The following TCN1 variants were observed in gnomAD, a reference collection of about 807,000 sequenced individuals.
TCN1 encodes transcobalamin-1.
Under a neutral mutation model 46.3 loss-of-function variants are expected in TCN1, and 47 were observed. The observed-to-expected ratio is 1.01, with a 90% CI of 0.80 to 1.29. TCN1 has a LOEUF of 1.29. TCN1 is among the 50% of genes most tolerant of loss of function. The probability of loss-of-function intolerance (pLI) is 0.00; values close to 1 mark genes in which losing one functional copy is unlikely to be tolerated. For missense variants in TCN1, 532 were observed against 511.0 expected, an observed-to-expected ratio of 1.04 and a Z score of -0.40; for synonymous variants, 183 against 192.5, an observed-to-expected ratio of 0.95 and a Z score of 0.41.
intron 3 of TCN1, 43 bp from the exon 4 acceptor site, chr11:59,861,725 A>G (rs1853017497): frequency 6.3e-7 from 1 of 1,596,624 alleles, no homozygotes; most frequent in South Asian, 1.1e-5. Flanking sequence ...TGGAAGTGGT[A>G]ATGGCGTATG....
In TCN1 at chr11:59,855,857, T is replaced by C; in HGVS notation, c.937+12A>G. The C allele has an allele frequency of 6.2e-7, 1 of 1,613,702 alleles. No individual in the cohort carries two copies. The highest frequency in any genetic ancestry group is 8.5e-7 in the Non-Finnish European group (1 of 1,179,664). ...GAAAAGCGAAACAGTGTGCTCTCTT[T>C]AATGCTTATACCTGAAGCAGAGACG... On this transcript the variant is annotated intron_variant, in intron 6 of 8. Coordinates refer to ENST00000257264, the MANE Select transcript of TCN1 (RefSeq NM_001062.4).
At chr11:59,857,016 G>A (rs532563985) in intron 5 of TCN1, among the ~76,000 whole-genome samples, 1 of 152,066 alleles carries the variant, frequency 6.6e-6, no homozygotes, top group African/African-American at 2.4e-5. Flanking sequence ...GACAGTTCCT[G>A]TTTTCATCTT....
Position 59,853,283 on chromosome 11 carries a change from G to A in TCN1, c.1160C>T (p.Thr387Ile), listed in dbSNP as rs770899261. ...GTTGGCACATAGGCCCTGAATACAG[G>A]TGATATAGGGCCCCCATGAGCGCTC... ...MEERSWGPYI[T>I]CIQGLCANNN... is the part of the protein sequence containing the mutation. The change falls in exon 8 of 9, where the codon ACC (threonine) becomes ATC (isoleucine). Residue 387 changes from threonine (T) to isoleucine (I), a missense_variant. Physicochemically the swap from Thr to Ile is moderately conservative, Grantham distance 89. Coordinates refer to ENST00000257264, the MANE Select transcript of TCN1 (RefSeq NM_001062.4). The A allele has an allele frequency of 2.5e-6, 4 of 1,614,004 alleles. No homozygotes were observed. Among genetic ancestry groups the A allele is most frequent in the African/African-American group, 2.7e-5 (2 of 74,918 alleles).
At chr11:59,855,791 T>G (rs1464308318) in intron 6 of TCN1, 78 bp downstream of exon 6, 1 of 1,550,338 alleles carries the variant, frequency 6.5e-7, no homozygotes, top group African/African-American at 1.4e-5. Context: ...ACTTTTGGTT[T>G]CAAAGGACAC....
rs1304460165 is a variant in TCN1 at position 59,861,569 on chromosome 11, G to A, written c.514C>T (p.Pro172Ser). ...STAEVVNHFT[P>S]ENKNYYFGSQ... ...CCAAAATAATAGTTTTTATTTTCAG[G>A]AGTGAAGTGGTTGACAACTTCGGCG... The change falls in exon 4 of 9, where the codon CCT (proline) becomes TCT (serine). Residue 172 changes from proline (P) to serine (S), a missense_variant. Coordinates refer to ENST00000257264, the MANE Select transcript of TCN1 (RefSeq NM_001062.4). 1.9e-6 allele frequency: 3 copies of A among 1,614,076 alleles called. No individual in the cohort carries two copies. The highest frequency in any genetic ancestry group is 2.5e-6 in the Non-Finnish European group (3 of 1,179,990).
chr11:59,862,499 G>A, intron 3 of TCN1, 83 bp downstream of exon 3: 1 of 1,517,022 alleles, frequency 6.6e-7, no homozygotes, highest in Non-Finnish European at 9.1e-7. Context: ...GAGAAGGAAA[G>A]AGTGGAGGGA....
Position 59,853,176 on chromosome 11 carries a change from G to A in TCN1, c.1240+27C>T, listed in dbSNP as rs757703655. On this transcript the variant is annotated intron_variant, in intron 8 of 8. Transcript: ENST00000257264. ...TCTCCATTTGGGCATTTTTAGCATG[G>A]GTCTTTTTGGCATGTCTCTCCCTTA... 1.2e-5 allele frequency: 20 copies of A among 1,612,590 alleles called. No homozygotes were observed. In the African/African-American group the frequency reaches 2.3e-4, roughly 18 times the overall value.
Position 59,862,668 on chromosome 11 carries a change from C to T in TCN1, c.314G>A (p.Cys105Tyr), listed in dbSNP as rs577965850. The T allele has an allele frequency of 6.2e-7, 1 of 1,613,830 alleles. No homozygotes were observed. Among genetic ancestry groups the T allele is most frequent in the South Asian group, 1.1e-5 (1 of 91,068 alleles). The change falls in exon 3 of 9, where the codon TGT becomes TAT. Residue 105 changes from cysteine (C) to tyrosine (Y), a missense_variant. Transcript: ENST00000257264. ...LALIILALGV[C>Y]RNAEENLIYD... ...TATTAAGTTTTCCTCAGCGTTACGA[C>T]ATACTCCCAAAGCCAGTATAATCAA...
chr11:59,855,788 G>T, intron 6 of TCN1, 81 bp downstream of exon 6: 1 of 1,522,320 alleles, frequency 6.6e-7, no homozygotes. Flanking sequence ...GTCACTTTTG[G>T]TTTCAAAGGA....
At position 59,855,881 on chromosome 11, in the gene TCN1, C is replaced by A. The variant is rs72550758; in HGVS notation, c.925G>T (p.Val309Phe). ...FLDINKDSSC[V>F]SASGNFNISA... ...TTAATGCTTATACCTGAAGCAGAGACGCAAGAAGAGTCTTTGTTAATATCC... is the reference window on the plus strand; with the variant it reads ...TTAATGCTTATACCTGAAGCAGAGAAGCAAGAAGAGTCTTTGTTAATATCC... The change falls in exon 6 of 9, where the codon GTC becomes TTC. Residue 309 changes from valine to phenylalanine, a missense_variant. Physicochemically the swap from Val to Phe is conservative, Grantham distance 50 (BLOSUM62 -1). Coordinates refer to ENST00000257264, the MANE Select transcript of TCN1 (RefSeq NM_001062.4). 6.2e-7 allele frequency: 1 copy of A among 1,613,768 alleles called. No homozygotes were observed. Among genetic ancestry groups the A allele is most frequent in the South Asian group, 1.1e-5 (1 of 91,076 alleles).
chr11:59,866,318 C>G, intron 1 of TCN1, 74 bp downstream of exon 1: 1 of 1,462,616 alleles, frequency 6.8e-7, no homozygotes, highest in South Asian at 1.1e-5. Context: ...TCAGGTAACT[C>G]TACATAGAGT....
In TCN1 at chr11:59,864,059, AG is replaced by A. The variant is rs1853046342; in HGVS notation, c.106del (p.Leu36Ter). 1 of 1,613,908 alleles carries A rather than the reference AG, an allele frequency of 6.2e-7. No individual in the cohort carries two copies. Among genetic ancestry groups the A allele is most frequent in the Non-Finnish European group, 8.5e-7 (1 of 1,179,784 alleles). On this transcript the variant is annotated frameshift_variant, in exon 2 of 9. Transcript: ENST00000257264. LOFTEE classifies it high-confidence loss of function. ...GATCATTGTATTCAACAGAGGTTTT[AG>A]GCGGATGTAGTTTTCTTCACTTACC... is the stretch of plus-strand genomic sequence containing the variant. The part of the protein sequence containing the change: ...CEVSEENYIR[L>X]KPLLNTMIQS...
intron 2 of TCN1, among the ~76,000 whole-genome samples, chr11:59,863,290 T>G (rs1484084412): frequency 6.7e-6 from 1 of 150,248 alleles, no homozygotes; most frequent in Non-Finnish European, 1.5e-5. Context: ...ATACAATCCT[T>G]ATGAAAGTGA....
chr11:59,865,488 C>T (rs1302386425), intron 1 of TCN1, among the ~76,000 whole-genome samples: 1 of 152,110 alleles, frequency 6.6e-6, no homozygotes, highest in Non-Finnish European at 1.5e-5. Flanking sequence ...AGAGTCTATG[C>T]TTTAGCCTGT....
In TCN1 at chr11:59,861,547, A is replaced by G; in HGVS notation, c.536T>C (p.Phe179Ser). The G allele has an allele frequency of 6.2e-7, 1 of 1,614,108 alleles. No homozygotes were observed. Among genetic ancestry groups the G allele is most frequent in the South Asian group, 1.1e-5 (1 of 91,084 alleles). The change falls in exon 4 of 9, where the codon TTT becomes TCT. Residue 179 changes from phenylalanine to serine, a missense_variant. Coordinates refer to ENST00000257264, the MANE Select transcript of TCN1 (RefSeq NM_001062.4). ...HFTPENKNYY[F>S]GSQFSVDTGA... Reference sequence around the variant, plus strand: ...CTCACCTACTGAGAACTGGCTACCAAAATAATAGTTTTTATTTTCAGGAGT... The same window carrying G: ...CTCACCTACTGAGAACTGGCTACCAGAATAATAGTTTTTATTTTCAGGAGT...
At chr11:59,853,124 C>A in intron 8 of TCN1, 79 bp downstream of exon 8, 1 of 1,599,896 alleles carries the variant, frequency 6.3e-7, no homozygotes, top group South Asian at 1.1e-5. Context: ...AACCCCTTGG[C>A]CCAATCCCCA....
At position 59,854,691 on chromosome 11, in the gene TCN1, A is replaced by G. The variant is rs764362090; in HGVS notation, c.1082T>C (p.Val361Ala). 1 of 1,613,974 alleles carries G rather than the reference A, an allele frequency of 6.2e-7. No individual in the cohort carries two copies. Among genetic ancestry groups the G allele is most frequent in the African/African-American group, 1.3e-5 (1 of 75,032 alleles). The part of the protein sequence containing the change: ...TVLNGSVFLS[V>A]MEKAQKMNDT... Reference sequence around the variant, plus strand: ...ATTCATTTTCTGGGCTTTCTCCATCACACTGAGGAAGACAGAACCATTTAG... The same window carrying G: ...ATTCATTTTCTGGGCTTTCTCCATCGCACTGAGGAAGACAGAACCATTTAG... Residue 361 changes from valine to alanine, a missense_variant, in exon 7 of 9, where the codon GTG (valine) becomes GCG (alanine). Transcript: ENST00000257264.
chr11:59,864,146 C>A (rs1436999387), intron 1 of TCN1, 60 bp from the exon 2 acceptor site: 5 of 1,562,032 alleles, frequency 3.2e-6, no homozygotes, highest in Non-Finnish European at 4.4e-6. Context: ...AGACTTGCAG[C>A]AGGGGTTATA....
intron 2 of TCN1, 106 bp from the exon 3 acceptor site, chr11:59,862,828 G>A (rs976713164): frequency 8.7e-6 from 11 of 1,257,898 alleles, no homozygotes; most frequent in Middle Eastern, 1.9e-4. Context: ...CTTCTGTTGC[G>A]CTCTATACAG....
Sources: gnomAD v4.1 joint callset for allele counts (sites outside exome capture counted in the v4.1 genomes callset) on GRCh38, gnomAD v4.1.1 for gene constraint, MANE v1.5 for transcripts, NCBI Gene and HGNC (gene_info 2026-07-23, HGNC 2026-07-21) for gene names.